The following PTPRN2 variants were observed in gnomAD, a reference collection of about 807,000 sequenced individuals.
The protein encoded by PTPRN2 is receptor-type tyrosine-protein phosphatase N2.
In PTPRN2, 74 loss-of-function variants were observed where a neutral mutation model predicts 118.8. That is an observed-to-expected ratio of 0.62 (90% CI 0.52 to 0.76). The LOEUF (loss-of-function observed/expected upper bound fraction) is 0.76, where lower values mean the gene tolerates loss of function less well. PTPRN2 is among the 30% of genes least tolerant of loss of function. The pLI, the probability that PTPRN2 is intolerant of heterozygous loss-of-function variation, is 0.00. For missense variants in PTPRN2, 1,481 were observed against 1,394.4 expected (o/e 1.06, Z -0.99); for synonymous variants, 641 against 608.0 (o/e 1.05, Z -0.80).
At chr7:157,773,211 T>A (rs1802992839) in intron 12 of PTPRN2, among the ~76,000 whole-genome samples, 1 of 152,134 alleles carries the variant, frequency 6.6e-6, no homozygotes, top group Admixed American at 6.5e-5. Context: ...TTCTGACCCC[T>A]CTCTCTTCAG....
At position 158,438,880 on chromosome 7, in the gene PTPRN2, G is replaced by T. The variant is rs117626077; in HGVS notation, c.163+50855C>A. 0.012 allele frequency among the ~76,000 whole-genome samples: 1,795 copies of T among 152,242 alleles called. 14 individuals carry two copies. Among genetic ancestry groups the T allele is most frequent in the Admixed American group, 0.019 (285 of 15,300 alleles). On this transcript the variant is annotated intron_variant, in intron 2 of 22. Transcript: ENST00000389418. The surrounding 1 kb of genome is among the most constrained non-coding windows in gnomAD (Gnocchi z 4.7). ...GGACTCCAAAATCTCCAGGCTAAAG[G>T]GAAAAGTCAAGCTGGGAACTGCTCA... is the stretch of plus-strand genomic sequence containing the variant.
chr7:158,580,249 G>C (rs1380264887), intron 1 of PTPRN2, among the ~76,000 whole-genome samples: 2 of 152,192 alleles, frequency 1.3e-5, no homozygotes, highest in Non-Finnish European at 2.9e-5. Context: ...CTGCTGCTTT[G>C]AGCTGGATTA....
chr7:158,574,309 C>A lies in PTPRN2; in HGVS notation c.112+13249G>T, dbSNP rs1384592236. On this transcript the variant is annotated intron_variant, in intron 1 of 22. Transcript: ENST00000389418. The surrounding 1 kb of genome is among the most constrained non-coding windows in gnomAD (Gnocchi z 4.6). Reference sequence around the variant, plus strand: ...GAATACAAAGAAGTTTTTGTATCTTCAGCAAAATATTTTAATCATTAGTGA... The same window carrying A: ...GAATACAAAGAAGTTTTTGTATCTTAAGCAAAATATTTTAATCATTAGTGA... Among the ~76,000 whole-genome samples, 1 of 152,192 alleles carries A rather than the reference C, an allele frequency of 6.6e-6. No homozygotes were observed.
chr7:158,278,017 T>TG (rs1799146585), intron 3 of PTPRN2, among the ~76,000 whole-genome samples: 1 of 152,112 alleles, frequency 6.6e-6, no homozygotes, highest in Non-Finnish European at 1.5e-5. Context: ...GGAGGCCAGG[T>TG]CCTTGTCTGA....
At chr7:158,096,350 G>A (rs1814625606) in intron 10 of PTPRN2, among the ~76,000 whole-genome samples, 1 of 152,176 alleles carries the variant, frequency 6.6e-6, no homozygotes. Flanking sequence ...GGGAAACTGA[G>A]GCTCAGGAAA....
intron 12 of PTPRN2, among the ~76,000 whole-genome samples, chr7:157,837,834 C>T (rs940220784): frequency 1.3e-5 from 2 of 152,250 alleles, no homozygotes; most frequent in Middle Eastern, 3.2e-3. Flanking sequence ...GGGTGGGTCC[C>T]GTGGATCTCA....
At chr7:158,379,866 C>T (rs769540859) in intron 2 of PTPRN2, among the ~76,000 whole-genome samples, 2 of 152,068 alleles carry the variant, frequency 1.3e-5, no homozygotes, top group Non-Finnish European at 1.5e-5. Flanking sequence ...GCTGGGGGGG[C>T]CTCACAATCA....
At chr7:158,371,516 A>G (rs1809993881) in intron 2 of PTPRN2, among the ~76,000 whole-genome samples, 1 of 152,272 alleles carries the variant, frequency 6.6e-6, no homozygotes, top group Non-Finnish European at 1.5e-5. Flanking sequence ...GAGGAGGCAT[A>G]TTTTCCTACA....
intron 11 of PTPRN2, among the ~76,000 whole-genome samples, chr7:158,004,861 A>T (rs1220343409): frequency 2.0e-5 from 3 of 152,142 alleles, no homozygotes; most frequent in Non-Finnish European, 1.5e-5. Context: ...TGTTCCTCTC[A>T]TGATAATGGT....
Position 158,015,377 on chromosome 7 carries a change from CTG to C in PTPRN2, c.1723+65919_1723+65920del, listed in dbSNP as rs1806370392. ...ATCCCCTGTCTACCGATTAAAAACTCTGAGGTCTTTTTAGTTAATGTGTGACA... is the reference window on the plus strand; with the variant it reads ...ATCCCCTGTCTACCGATTAAAAACTCAGGTCTTTTTAGTTAATGTGTGACA... On this transcript the variant is annotated intron_variant, in intron 11 of 22. Coordinates refer to ENST00000389418, the MANE Select transcript of PTPRN2 (RefSeq NM_002847.5). The surrounding 1 kb of genome is among the most constrained non-coding windows in gnomAD (Gnocchi z 4.2). Among the ~76,000 whole-genome samples, 1 of 152,006 alleles carries C rather than the reference CTG, an allele frequency of 6.6e-6. No homozygotes were observed. Among genetic ancestry groups the C allele is most frequent in the East Asian group, 1.9e-4 (1 of 5,188 alleles).
intron 1 of PTPRN2, among the ~76,000 whole-genome samples, chr7:158,540,401 C>T (rs1008566589): frequency 3.3e-5 from 5 of 152,104 alleles, no homozygotes; most frequent in African/African-American, 1.2e-4. Context: ...GCTCAGCCCC[C>T]AGCCTCTGGG....
At chr7:157,554,810 T>C (rs1798799399) in intron 21 of PTPRN2, among the ~76,000 whole-genome samples, 1 of 152,292 alleles carries the variant, frequency 6.6e-6, no homozygotes, top group African/African-American at 2.4e-5. Context: ...CCAGGCGTTT[T>C]CCACCTAAGA....
rs1026846359 is a variant in PTPRN2, at chr7:157,847,037, C to T, written c.1788+51636G>A. Among the ~76,000 whole-genome samples, 54 of 149,238 alleles carry T rather than the reference C, an allele frequency of 3.6e-4. 2 individuals carry two copies. The highest frequency in any genetic ancestry group is 7.3e-4 in the Non-Finnish European group (49 of 67,566). ...CCTCCCTCACTACATCATGTGTGGC[C>T]GATGTTTACAGAGCCCTCTCTCATT... On this transcript the variant is annotated intron_variant, in intron 12 of 22. Transcript: ENST00000389418.
At position 157,762,650 on chromosome 7, in the gene PTPRN2, C is replaced by T. The variant is rs1054881398; in HGVS notation, c.1789-79713G>A. The stretch of plus-strand genomic sequence containing the variant: ...GGGAGATATACCTAATGCTAGATGA[C>T]GAGTTAGTGGGTGCAGCGCACCAGC... On this transcript the variant is annotated intron_variant, in intron 12 of 22. Transcript: ENST00000389418. 1.1e-4 allele frequency among the ~76,000 whole-genome samples: 17 copies of T among 150,138 alleles called. No individual in the cohort carries two copies. In the East Asian group the frequency reaches 1.6e-3, roughly 14 times the overall value.
intron 11 of PTPRN2, among the ~76,000 whole-genome samples, chr7:157,965,997 G>C (rs1801896183): frequency 6.6e-6 from 1 of 152,234 alleles, no homozygotes; most frequent in Admixed American, 6.5e-5. Context: ...TGGAATCCCA[G>C]TTTCACAGAC....
chr7:158,388,976 T>C (rs1418560286), intron 2 of PTPRN2, among the ~76,000 whole-genome samples: 1 of 152,212 alleles, frequency 6.6e-6, no homozygotes, highest in African/African-American at 2.4e-5. Context: ...AGGTCAACCC[T>C]AAGGGCTAAG....
chr7:157,698,133 C>T (rs1797899887), intron 12 of PTPRN2, among the ~76,000 whole-genome samples: 1 of 152,174 alleles, frequency 6.6e-6, no homozygotes, highest in African/African-American at 2.4e-5. Context: ...ATAACATAAG[C>T]AATGCAAATG....
At chr7:158,125,689 G>A (rs1043596988) in intron 9 of PTPRN2, among the ~76,000 whole-genome samples, 6 of 152,194 alleles carry the variant, frequency 3.9e-5, no homozygotes, top group African/African-American at 1.4e-4. Context: ...CCGCCCTCAG[G>A]AGGGGCCTCT....
chr7:157,809,232 T>C (rs111848372), intron 12 of PTPRN2, among the ~76,000 whole-genome samples: 4 of 151,598 alleles, frequency 2.6e-5, no homozygotes, highest in Non-Finnish European at 5.9e-5. Flanking sequence ...ACTCTGGCCC[T>C]GGAGGGGGCT....
Sources: allele counts gnomAD v4.1 joint callset (sites outside exome capture counted in the v4.1 genomes callset), GRCh38; gene constraint gnomAD v4.1.1; non-coding constraint Gnocchi (gnomAD v3.1); transcripts MANE v1.5; gene names NCBI Gene and HGNC (gene_info 2026-07-23, HGNC 2026-07-21).